NF2: variants seen among roughly 807,000 people sequenced by gnomAD.
NF2 encodes NF2, moesin-ezrin-radixin like (MERLIN) tumor suppressor.
Under a neutral mutation model 83.7 loss-of-function variants are expected in NF2, and 8 were observed. The ratio of observed to expected loss-of-function variants is 0.10; its 90% confidence interval spans 0.06 to 0.17. The LOEUF is 0.17. Among genes scored for constraint, NF2 ranks in the 10% least tolerant of loss-of-function variants. NF2 has a pLI of 1.00. For missense variants in NF2, 533 were observed against 744.4 expected, an observed-to-expected ratio of 0.72 and a Z score of 3.31; for synonymous variants, 266 against 269.6, an observed-to-expected ratio of 0.99 and a Z score of 0.13.
At chr22:29,644,851 A>G (rs2065938812) in intron 4 of NF2, among the ~76,000 whole-genome samples, 1 of 152,096 alleles carries the variant, frequency 6.6e-6, no homozygotes, top group Non-Finnish European at 1.5e-5. Flanking sequence ...GGGAGGTTGC[A>G]GTGAGCCGAG....
intron 1 of NF2, among the ~76,000 whole-genome samples, chr22:29,620,096 T>C (rs1009997267): frequency 1.3e-5 from 2 of 152,016 alleles, no homozygotes; most frequent in African/African-American, 4.8e-5. Context: ...CTGTCTCTAC[T>C]GAAAACACAA....
chr22:29,668,516 G>A, intron 10 of NF2, 70 bp downstream of exon 10: 3 of 1,179,072 alleles, frequency 2.5e-6, no homozygotes, highest in Non-Finnish European at 3.8e-6. Context: ...GCGAGGAGTG[G>A]TCATGGGCTG....
At chr22:29,671,254 G>C (rs1265484376) in intron 10 of NF2, among the ~76,000 whole-genome samples, 1 of 152,252 alleles carries the variant, frequency 6.6e-6, no homozygotes, top group South Asian at 2.1e-4. Context: ...CCTTCTGCCA[G>C]GCGCGGCGGC....
chr22:29,642,317 TG>T (rs749275950), intron 4 of NF2, 32 bp downstream of exon 4: 1 of 1,587,808 alleles, frequency 6.3e-7, no homozygotes, highest in Admixed American at 1.7e-5. Flanking sequence ...GTATTTTTCC[TG>T]GGCGTTAATT....
At chr22:29,662,226 C>CT (rs1226168714) in intron 8 of NF2, among the ~76,000 whole-genome samples, 3 of 152,170 alleles carry the variant, frequency 2.0e-5, no homozygotes, top group Non-Finnish European at 4.4e-5. Flanking sequence ...CTTGACCTCC[C>CT]TGGGCTCAGG....
intron 3 of NF2, among the ~76,000 whole-genome samples, chr22:29,641,114 C>A (rs750923956): frequency 6.6e-6 from 1 of 152,192 alleles, no homozygotes; most frequent in South Asian, 2.1e-4. Flanking sequence ...GCCTGGGCAA[C>A]CAGAGTGAAA....
chr22:29,668,293 T>C, intron 9 of NF2, 40 bp from the exon 10 acceptor site: 2 of 1,490,170 alleles, frequency 1.3e-6, no homozygotes, highest in South Asian at 1.1e-5. Flanking sequence ...TGAAGTAAAT[T>C]TGTGGATATT....
intron 1 of NF2, among the ~76,000 whole-genome samples, chr22:29,621,997 C>T (rs1026229378): frequency 1.3e-5 from 2 of 152,198 alleles, no homozygotes; most frequent in Non-Finnish European, 2.9e-5. Flanking sequence ...ATCTGTCTTT[C>T]AGGCCAGCCC....
chr22:29,628,297 T>C (rs2065420571), intron 1 of NF2, among the ~76,000 whole-genome samples: 1 of 152,064 alleles, frequency 6.6e-6, no homozygotes, highest in Non-Finnish European at 1.5e-5. Context: ...TACTGATTCA[T>C]GTATGTGGCA....
At position 29,603,799 on chromosome 22, in the gene NF2, TC is replaced by T. The variant is rs2064705098; in HGVS notation, c.-195del. ...CCCTCCCTGCAGCCGTCAGGGCCCG[TC>T]CCCCAACTCCCCTTTCCGCTCAGGC... On this transcript the variant is annotated 5_prime_UTR_variant, in exon 1 of 16. Coordinates refer to ENST00000338641, the MANE Select transcript of NF2 (RefSeq NM_000268.4). 2 of 575,020 alleles carry T rather than the reference TC, an allele frequency of 3.5e-6. No individual in the cohort carries two copies. Among genetic ancestry groups the T allele is most frequent in the Non-Finnish European group, 6.1e-6 (2 of 326,398 alleles). 35.6% of individuals were successfully genotyped at this position (575,020 alleles called of 1,614,324 possible). A position where few individuals can be genotyped will look rare whatever the true frequency, so the allele number is the denominator to read the frequency against.
At chr22:29,665,694 G>T (rs1210879400) in intron 9 of NF2, among the ~76,000 whole-genome samples, 4 of 151,870 alleles carry the variant, frequency 2.6e-5, no homozygotes, top group African/African-American at 9.7e-5. Flanking sequence ...GCCGGGTGCG[G>T]TGGCTTACGC....
intron 4 of NF2, 26 bp from the exon 5 acceptor site, chr22:29,654,631 G>T (rs767571774): frequency 6.2e-7 from 1 of 1,605,216 alleles, no homozygotes; most frequent in Non-Finnish European, 8.5e-7. Context: ...AATCTCAATC[G>T]CCTGCTCTCC....
At chr22:29,620,944 C>G (rs1027132072) in intron 1 of NF2, among the ~76,000 whole-genome samples, 1 of 152,200 alleles carries the variant, frequency 6.6e-6, no homozygotes, top group African/African-American at 2.4e-5. Context: ...GGTTCTGTAA[C>G]TGACTTCATC....
chr22:29,675,022 G>A (rs1333385165), intron 13 of NF2, 81 bp downstream of exon 13: 9 of 1,221,734 alleles, frequency 7.4e-6, no homozygotes, highest in South Asian at 5.2e-5. Context: ...TTCATCTGGC[G>A]GTGCCTTCAG....
intron 2 of NF2, among the ~76,000 whole-genome samples, chr22:29,637,307 G>A (rs941417413): frequency 6.6e-6 from 1 of 152,210 alleles, no homozygotes; most frequent in African/African-American, 2.4e-5. Flanking sequence ...AGTCTGACAT[G>A]AAGTAATCAT....
At position 29,665,068 on chromosome 22, in the gene NF2, A is replaced by C; in HGVS notation, c.885+4A>C. The stretch of plus-strand genomic sequence containing the variant: ...AAAGCTTCGTGTTAATAAGCTGGTA[A>C]GTTGAGATCCTGGTTTTCATTACTG... On this transcript the variant is annotated splice_donor_region_variant and intron_variant, in intron 9 of 15. Coordinates refer to ENST00000338641, the MANE Select transcript of NF2 (RefSeq NM_000268.4). The C allele has an allele frequency of 6.2e-7, 1 of 1,609,400 alleles. No homozygotes were observed. The highest frequency in any genetic ancestry group is 1.1e-5 in the South Asian group (1 of 90,938).
At position 29,696,096 on chromosome 22, in the gene NF2, T is replaced by G. The variant is rs886057355; in HGVS notation, c.*1294T>G. ...TTTTTTTTTTTTTTTTTTTCCGAGA[T>G]GGAGTCTCTCTCTGTCACCCAGGTG... On this transcript the variant is annotated 3_prime_UTR_variant, in exon 16 of 16. Coordinates refer to ENST00000338641, the MANE Select transcript of NF2 (RefSeq NM_000268.4). The G allele has an allele frequency of 2.3e-4, 46 of 203,952 alleles. No homozygotes were observed. The East Asian group carries it at 3.0e-3, about 13-fold the overall frequency. 12.6% of individuals were successfully genotyped at this position (203,952 alleles called of 1,614,324 possible).
intron 12 of NF2, 78 bp from the exon 13 acceptor site, chr22:29,674,758 C>A: frequency 7.6e-7 from 1 of 1,311,702 alleles, no homozygotes; most frequent in Non-Finnish European, 1.1e-6. Flanking sequence ...CAGGTCCCTC[C>A]TCTGCAGGGG....
intron 13 of NF2, among the ~76,000 whole-genome samples, chr22:29,677,759 C>T (rs1010006320): frequency 5.9e-5 from 9 of 152,224 alleles, no homozygotes; most frequent in African/African-American, 1.9e-4. Context: ...AGCCTCTGTT[C>T]GCTCCCTGGC....
Sources: allele counts gnomAD v4.1 joint callset (sites outside exome capture counted in the v4.1 genomes callset), GRCh38; gene constraint gnomAD v4.1.1; transcripts MANE v1.5; gene names NCBI Gene and HGNC (gene_info 2026-07-23, HGNC 2026-07-21).